Variants in YWHAE observed in about 807,000 individuals in gnomAD.
YWHAE encodes the protein tyrosine 3-monooxygenase/tryptophan 5-monooxygenase activation protein epsilon.
YWHAE carries 4 observed loss-of-function variants against 30.1 expected under a neutral mutation model. The observed-to-expected ratio is 0.13, with a 90% CI of 0.07 to 0.30. The LOEUF is 0.30. YWHAE is among the 10% of genes least tolerant of loss of function. YWHAE has a pLI of 1.00. For synonymous variants in YWHAE, 118 were observed against 111.8 expected (o/e 1.06, Z -0.35); for missense variants, 121 against 315.9 (o/e 0.38, Z 4.68).
At chr17:1,349,894 C>T (rs1179937699) in intron 5 of YWHAE, among the ~76,000 whole-genome samples, 1 of 151,244 alleles carries the variant, frequency 6.6e-6, no homozygotes, top group African/African-American at 2.4e-5. Context: ...GATTAACCGG[C>T]GTGAGCCACT....
chr17:1,350,372 G>GT (rs1395857172), intron 5 of YWHAE, among the ~76,000 whole-genome samples: 1 of 152,104 alleles, frequency 6.6e-6, no homozygotes, highest in African/African-American at 2.4e-5. Flanking sequence ...TCAACTCTTG[G>GT]TTATCAGTGA....
At chr17:1,373,020 T>C (rs993725901) in intron 1 of YWHAE, among the ~76,000 whole-genome samples, 72 of 151,782 alleles carry the variant, frequency 4.7e-4, no homozygotes, top group Middle Eastern at 6.9e-3. Context: ...GGCGGGCAGA[T>C]CACATGAGGT....
rs914191493 is a variant in YWHAE at position 1,345,059 on chromosome 17, T to C, written c.*388A>G. 7 of 271,512 alleles carry C rather than the reference T, an allele frequency of 2.6e-5. No homozygotes were observed. Among genetic ancestry groups the C allele is most frequent in the African/African-American group, 6.5e-5 (3 of 46,056 alleles). 16.8% of individuals were successfully genotyped at this position (271,512 alleles called of 1,614,324 possible). A position where few individuals can be genotyped will look rare whatever the true frequency, so the allele number is the denominator to read the frequency against. ...AAAACTGATACCACTTATGCCTCTATAGTGTGATTAACCTCTCTCTTAGAT... is the reference window on the plus strand; with the variant it reads ...AAAACTGATACCACTTATGCCTCTACAGTGTGATTAACCTCTCTCTTAGAT... On this transcript the variant is annotated 3_prime_UTR_variant, in exon 6 of 6. Coordinates refer to ENST00000264335, the MANE Select transcript of YWHAE (RefSeq NM_006761.5).
intron 4 of YWHAE, among the ~76,000 whole-genome samples, 158 bp downstream of exon 4, chr17:1,360,934 G>C (rs2072854457): frequency 6.6e-6 from 1 of 152,072 alleles, no homozygotes; most frequent in African/African-American, 2.4e-5. Context: ...GTTGAGACAG[G>C]TCTGTTTTAA....
At chr17:1,365,500 T>C (rs1247948332) in intron 1 of YWHAE, among the ~76,000 whole-genome samples, 1 of 152,134 alleles carries the variant, frequency 6.6e-6, no homozygotes, top group Non-Finnish European at 1.5e-5. Context: ...ACAGCAAAAA[T>C]ATACGGAGTA....
At chr17:1,363,960 T>TA (rs1810195728) in intron 2 of YWHAE, among the ~76,000 whole-genome samples, 1 of 152,130 alleles carries the variant, frequency 6.6e-6, no homozygotes, top group South Asian at 2.1e-4. Context: ...CCCACCCCAC[T>TA]AGATGCTAGG....
At chr17:1,350,560 G>A (rs2072612295) in intron 5 of YWHAE, among the ~76,000 whole-genome samples, 1 of 151,800 alleles carries the variant, frequency 6.6e-6, no homozygotes, top group Admixed American at 6.6e-5. Flanking sequence ...TCCTGTCTCA[G>A]CCTCCTGAGT....
At chr17:1,357,526 G>C (rs1055697360) in intron 4 of YWHAE, among the ~76,000 whole-genome samples, 1 of 151,856 alleles carries the variant, frequency 6.6e-6, no homozygotes, top group African/African-American at 2.4e-5. Flanking sequence ...CTTTCAGTGA[G>C]CTGAGATCAC....
At chr17:1,386,139 T>C (rs1384712663) in intron 1 of YWHAE, among the ~76,000 whole-genome samples, 2 of 152,086 alleles carry the variant, frequency 1.3e-5, no homozygotes, top group African/African-American at 4.8e-5. Flanking sequence ...GTGAAAGAAA[T>C]AGCCAATAAA....
At chr17:1,362,609 T>C (rs1199409749) in intron 2 of YWHAE, among the ~76,000 whole-genome samples, 1 of 151,830 alleles carries the variant, frequency 6.6e-6, no homozygotes, top group East Asian at 1.9e-4. Context: ...CTGCCACCCA[T>C]CTCTATCCAC....
At chr17:1,373,859 G>A (rs183105388) in intron 1 of YWHAE, among the ~76,000 whole-genome samples, 2 of 152,046 alleles carry the variant, frequency 1.3e-5, no homozygotes, top group Non-Finnish European at 2.9e-5. Flanking sequence ...TACGAACAGA[G>A]CCATACAGTA....
intron 5 of YWHAE, among the ~76,000 whole-genome samples, chr17:1,350,765 A>G (rs1269138372): frequency 6.8e-6 from 1 of 147,180 alleles, no homozygotes; most frequent in African/African-American, 2.7e-5. Context: ...AAATAATAAT[A>G]ATAAAAAAAA....
intron 1 of YWHAE, among the ~76,000 whole-genome samples, chr17:1,385,786 C>G (rs2073291112): frequency 6.6e-6 from 1 of 152,084 alleles, no homozygotes; most frequent in African/African-American, 2.4e-5. Flanking sequence ...TTAAAGACAA[C>G]ACTATTCAGA....
At chr17:1,388,101 GTTTT>G (rs1291752445) in intron 1 of YWHAE, among the ~76,000 whole-genome samples, 26 of 62,390 alleles carry the variant, frequency 4.2e-4, no homozygotes, top group African/African-American at 1.8e-3. Flanking sequence ...GGTAATTTTT[GTTTT>G]TTTTTTTGGT....
chr17:1,398,316 C>T (rs999691638), intron 1 of YWHAE, among the ~76,000 whole-genome samples: 18 of 128,996 alleles, frequency 1.4e-4, no homozygotes, highest in Non-Finnish European at 1.2e-4. Context: ...AGACCTTGAG[C>T]TGTACTTCCC....
intron 1 of YWHAE, among the ~76,000 whole-genome samples, chr17:1,372,735 T>C (rs531907553): frequency 1.6e-4 from 25 of 151,748 alleles, no homozygotes; most frequent in Non-Finnish European, 2.9e-4. Flanking sequence ...AGGAAGATCA[T>C]GTGAGCCTAG....
chr17:1,372,076 G>C (rs1243477324), intron 1 of YWHAE, among the ~76,000 whole-genome samples: 3 of 152,192 alleles, frequency 2.0e-5, no homozygotes, highest in Non-Finnish European at 4.4e-5. Context: ...CTGACCTCGT[G>C]ATCCGTCCGC....
chr17:1,362,961 A>G (rs1403852300), intron 2 of YWHAE, among the ~76,000 whole-genome samples: 1 of 151,680 alleles, frequency 6.6e-6, no homozygotes, highest in Non-Finnish European at 1.5e-5. Context: ...TCTACATTCT[A>G]TTTCTCAGTT....
At chr17:1,355,146 A>ATTTTT (rs2072716615) in intron 4 of YWHAE, among the ~76,000 whole-genome samples, 1 of 116,152 alleles carries the variant, frequency 8.6e-6, no homozygotes, top group African/African-American at 3.2e-5. Context: ...AAAAAAAAAA[A>ATTTTT]AATTTTTTTT....
Sources: gnomAD v4.1 joint callset for allele counts (sites outside exome capture counted in the v4.1 genomes callset) on GRCh38, gnomAD v4.1.1 for gene constraint, MANE v1.5 for transcripts, NCBI Gene and HGNC (gene_info 2026-07-23, HGNC 2026-07-21) for gene names.